Variants in PCDH11X observed in about 807,000 individuals in gnomAD.
The protein encoded by PCDH11X is protocadherin-11 X-linked.
Under a neutral mutation model 53.3 loss-of-function variants are expected in PCDH11X, and 18 were observed. The ratio of observed to expected loss-of-function variants is 0.34; its 90% CI spans 0.23 to 0.50. The LOEUF (loss-of-function observed/expected upper bound fraction) is 0.50. Among genes scored for constraint, PCDH11X ranks in the 20% least tolerant of loss-of-function variants. The pLI is 0.98. For synonymous variants in PCDH11X, 279 were observed against 393.3 expected (o/e 0.71, Z 3.44); for missense variants, 570 against 1,032.4 (o/e 0.55, Z 6.14).
At chrX:91,989,629 A>T (rs2147941016) in intron 6 of PCDH11X, among the ~76,000 whole-genome samples, 1 of 109,515 alleles carries the variant, frequency 9.1e-6, no homozygotes, top group African/African-American at 3.3e-5. Flanking sequence ...ATGTAAATTT[A>T]AGCCCATGTG....
chrX:92,409,793 T>TTAC (rs2071604358), intron 9 of PCDH11X, among the ~76,000 whole-genome samples: 1 of 112,119 alleles, frequency 8.9e-6, no homozygotes, highest in African/African-American at 3.2e-5. Context: ...GTTAATTGCT[T>TTAC]TACTCTACCT....
rs931243107 is a variant in PCDH11X at position 92,158,158 on chromosome X, G to A, written c.3034-43217G>A. On this transcript the variant is annotated intron_variant, in intron 6 of 10. Transcript: ENST00000682573. Reference sequence around the variant, plus strand: ...CTGAACTGGGGAGGCAGAGGTTGCCGTAAGCTGAGATTGTGCCACTGCACT... The same window carrying A: ...CTGAACTGGGGAGGCAGAGGTTGCCATAAGCTGAGATTGTGCCACTGCACT... Among the ~76,000 whole-genome samples the A allele has an allele frequency of 2.1e-4, 23 of 111,902 alleles. No individual in the cohort carries two copies. The South Asian group carries it at 6.3e-3, about 31-fold the overall frequency.
At chrX:92,088,175 TA>T (rs1477407413) in intron 6 of PCDH11X, among the ~76,000 whole-genome samples, 1 of 109,318 alleles carries the variant, frequency 9.1e-6, no homozygotes, top group Non-Finnish European at 1.9e-5. Flanking sequence ...ATGAAGAGAT[TA>T]TATAGATTTA....
At chrX:92,070,965 A>G (rs1377921163) in intron 6 of PCDH11X, among the ~76,000 whole-genome samples, 2 of 88,682 alleles carry the variant, frequency 2.3e-5, no homozygotes, top group African/African-American at 9.0e-5. Flanking sequence ...ACACGCAGCT[A>G]ATTTTTTTTT....
At chrX:92,123,970 A>T (rs2064817193) in intron 6 of PCDH11X, among the ~76,000 whole-genome samples, 1 of 110,210 alleles carries the variant, frequency 9.1e-6, no homozygotes, top group Admixed American at 9.8e-5. Flanking sequence ...TTTTTATCAA[A>T]TAAGGGAAGT....
rs1031388080 is a variant in PCDH11X at position 92,005,385 on chromosome X, C to T, written c.3033+126112C>T. Among the ~76,000 whole-genome samples the T allele has an allele frequency of 2.7e-5, 3 of 110,694 alleles. No individual in the cohort carries two copies. In the Admixed American group the frequency reaches 2.9e-4, roughly 11 times the overall value. On this transcript the variant is annotated intron_variant, in intron 6 of 10. Coordinates refer to ENST00000682573, the MANE Select transcript of PCDH11X (RefSeq NM_032968.5). ...TATATGCTTTTTGGTTTGGAGGTTACCGTGAGGCTTGCAAATACTAACTTA... is the reference window on the plus strand; with the variant it reads ...TATATGCTTTTTGGTTTGGAGGTTATCGTGAGGCTTGCAAATACTAACTTA...
intron 8 of PCDH11X, among the ~76,000 whole-genome samples, chrX:92,278,337 C>A (rs975232747): frequency 9.0e-6 from 1 of 111,552 alleles, no homozygotes; most frequent in Non-Finnish European, 1.9e-5. Context: ...AGGGAGGTCC[C>A]CCGATCTGAG....
At chrX:92,162,112 G>C (rs1169109851) in intron 6 of PCDH11X, among the ~76,000 whole-genome samples, 8 of 91,549 alleles carry the variant, frequency 8.7e-5, no homozygotes, top group Non-Finnish European at 1.7e-4. Context: ...GTCATATTAT[G>C]AGAATTATTT....
At position 92,596,697 on chromosome X, in the gene PCDH11X, A is replaced by G. The variant is rs575535099; in HGVS notation, c.3368-21567A>G. ...ATAGAGGATGAGAAAATACTTCCAA[A>G]CTCATTCTACGAATCTAATATTAGC... On this transcript the variant is annotated intron_variant, in intron 10 of 10. Coordinates refer to ENST00000682573, the MANE Select transcript of PCDH11X (RefSeq NM_032968.5). Among the ~76,000 whole-genome samples, 23 of 107,737 alleles carry G rather than the reference A, an allele frequency of 2.1e-4. No individual in the cohort carries two copies. In the South Asian group the frequency reaches 4.5e-3, roughly 21 times the overall value. 93.6% of individuals were successfully genotyped at this position (107,737 alleles called of 115,157 possible). A position where few individuals can be genotyped will look rare whatever the true frequency, so the allele number is the denominator to read the frequency against.
intron 6 of PCDH11X, among the ~76,000 whole-genome samples, chrX:92,148,132 T>TC (rs2065353213): frequency 6.2e-4 from 4 of 6,465 alleles, no homozygotes; most frequent in Non-Finnish European, 7.2e-4. Flanking sequence ...CTTTCTTTCT[T>TC]TTTCCTTCCT....
chrX:92,372,762 C>T (rs1055014822), intron 8 of PCDH11X, among the ~76,000 whole-genome samples: 9 of 109,195 alleles, frequency 8.2e-5, no homozygotes, highest in African/African-American at 3.0e-4. Context: ...GTTTGAAAAC[C>T]ACTAATTTTA....
chrX:92,196,455 TAAG>T (rs1207431726), intron 6 of PCDH11X, among the ~76,000 whole-genome samples: 1 of 111,472 alleles, frequency 9.0e-6, no homozygotes, highest in Non-Finnish European at 1.9e-5. Flanking sequence ...TTTACCTGAG[TAAG>T]AAGAATTTAT....
At chrX:92,271,387 A>G (rs2067954280) in intron 8 of PCDH11X, among the ~76,000 whole-genome samples, 1 of 111,964 alleles carries the variant, frequency 8.9e-6, no homozygotes, top group Admixed American at 9.5e-5. Flanking sequence ...AATTGCAAAA[A>G]AGGCACAAAC....
At chrX:91,833,796 A>G (rs1937197216) in intron 4 of PCDH11X, among the ~76,000 whole-genome samples, 1 of 111,923 alleles carries the variant, frequency 8.9e-6, no homozygotes, top group Admixed American at 9.6e-5. Flanking sequence ...ATGTGCAGCT[A>G]TGCAATGGGA....
chrX:91,983,317 T>C lies in PCDH11X; in HGVS notation c.3033+104044T>C. On this transcript the variant is annotated intron_variant, in intron 6 of 10. Transcript: ENST00000682573. ...TAAACGTCAGGCCGTACTCAGTCCA[T>C]CTGTACTTGGTTTCCAGACTGCCCG... The C allele has an allele frequency of 6.6e-6, 7 of 1,067,685 alleles. No homozygotes were observed. In the South Asian group the frequency reaches 1.3e-4, roughly 20 times the overall value. The allele number at this position is 1,067,685 out of a possible 1,213,427, so 88.0% of individuals were successfully genotyped here.
chrX:92,155,617 C>CTT lies in PCDH11X; in HGVS notation c.3034-45735_3034-45734dup, dbSNP rs775178966. On this transcript the variant is annotated intron_variant, in intron 6 of 10. Coordinates refer to ENST00000682573, the MANE Select transcript of PCDH11X (RefSeq NM_032968.5). The stretch of plus-strand genomic sequence containing the variant: ...ACTGTCACCTCAGTTACTTCAATAG[C>CTT]TTTTTTTTTTTTTTTTTTTTTTTTC... Among the ~76,000 whole-genome samples, 252 of 79,695 alleles carry CTT rather than the reference C, an allele frequency of 3.2e-3. 18 individuals are homozygous for CTT. Among genetic ancestry groups the CTT allele is most frequent in the African/African-American group, 0.013 (231 of 17,678 alleles). The allele number at this position is 79,695 out of a possible 115,157, so 69.2% of individuals were successfully genotyped here.
At position 91,961,995 on chromosome X, in the gene PCDH11X, C is replaced by T. The variant is rs763928319; in HGVS notation, c.3033+82722C>T. On this transcript the variant is annotated intron_variant, in intron 6 of 10. Coordinates refer to ENST00000682573, the MANE Select transcript of PCDH11X (RefSeq NM_032968.5). Reference sequence around the variant, plus strand: ...ACCCCCATTATTAAATTACCTCCCACCAGGTCTCTCCCATGACACATGGGG... The same window carrying T: ...ACCCCCATTATTAAATTACCTCCCATCAGGTCTCTCCCATGACACATGGGG... 2.3e-3 allele frequency among the ~76,000 whole-genome samples: 253 copies of T among 108,815 alleles called. 1 individual carries two copies. Among genetic ancestry groups the T allele is most frequent in the African/African-American group, 7.9e-3 (236 of 29,719 alleles). The allele number at this position is 108,815 out of a possible 115,157, so 94.5% of individuals were successfully genotyped here. A position where few individuals can be genotyped will look rare whatever the true frequency, so the allele number is the denominator to read the frequency against.
At chrX:92,372,798 A>C in intron 8 of PCDH11X, among the ~76,000 whole-genome samples, 1 of 108,527 alleles carries the variant, frequency 9.2e-6, no homozygotes. Context: ...TAGATCATCA[A>C]AAACTATATT....
chrX:92,557,802 A>T (rs1374016144), intron 10 of PCDH11X, among the ~76,000 whole-genome samples: 1 of 110,825 alleles, frequency 9.0e-6, no homozygotes, highest in East Asian at 2.8e-4. Flanking sequence ...TTACTGTATT[A>T]GTTTATTCTC....
Sources: gnomAD v4.1 joint callset for allele counts (sites outside exome capture counted in the v4.1 genomes callset) on GRCh38, gnomAD v4.1.1 for gene constraint, MANE v1.5 for transcripts, NCBI Gene and HGNC (gene_info 2026-07-23, HGNC 2026-07-21) for gene names.